The following NRG1 variants were observed in gnomAD, a reference collection of about 807,000 sequenced individuals.
NRG1 encodes neuregulin 1.
A neutral mutation model predicts 63.8 loss-of-function variants in NRG1; 18 were observed. The observed-to-expected ratio is 0.28, with a 90% CI of 0.19 to 0.42. The LOEUF (loss-of-function observed/expected upper bound fraction) is 0.42. Ranked by LOEUF, NRG1 falls within the 10% of genes least tolerant of loss-of-function variation. The pLI, the probability that NRG1 is intolerant of heterozygous loss-of-function variation, is 1.00. For synonymous variants in NRG1, 302 were observed against 301.3 expected (o/e 1.00, Z -0.02); for missense variants, 762 against 814.7 (o/e 0.94, Z 0.79).
chr8:31,965,873 C>T (rs1008208524), intron 1 of NRG1, among the ~76,000 whole-genome samples: 1 of 151,982 alleles, frequency 6.6e-6, no homozygotes, highest in Non-Finnish European at 1.5e-5. Flanking sequence ...AGCAGAAAAT[C>T]AAATATCTCA....
chr8:32,016,262 T>G (rs1586494046), intron 1 of NRG1, among the ~76,000 whole-genome samples: 1 of 152,108 alleles, frequency 6.6e-6, no homozygotes, highest in African/African-American at 2.4e-5. Context: ...GGGGTCTTGC[T>G]ATGTTGCCCA....
At chr8:32,213,633 A>C (rs991818411) in intron 1 of NRG1, among the ~76,000 whole-genome samples, 8 of 152,180 alleles carry the variant, frequency 5.3e-5, no homozygotes, top group Non-Finnish European at 1.2e-4. Flanking sequence ...AAATTTAAAA[A>C]AAAAGAAAAT....
chr8:32,691,265 A>C (rs1811562220), intron 5 of NRG1, among the ~76,000 whole-genome samples: 1 of 152,022 alleles, frequency 6.6e-6, no homozygotes, highest in Non-Finnish European at 1.5e-5. Flanking sequence ...GAGGCAGGAG[A>C]ATCTCTTGAA....
chr8:31,956,057 A>AAAC (rs1554585302), intron 1 of NRG1, among the ~76,000 whole-genome samples: 3 of 151,628 alleles, frequency 2.0e-5, no homozygotes, highest in African/African-American at 7.3e-5. Context: ...AAAAAAACAA[A>AAAC]AAAACAAAAA....
At chr8:32,559,107 TAAC>T (rs1835800737) in intron 1 of NRG1, among the ~76,000 whole-genome samples, 1 of 138,152 alleles carries the variant, frequency 7.2e-6, no homozygotes, top group Non-Finnish European at 1.6e-5. Flanking sequence ...AAAAAAAAGT[TAAC>T]AACCATATCA....
intron 1 of NRG1, among the ~76,000 whole-genome samples, chr8:31,761,415 C>A (rs981098252): frequency 2.6e-5 from 4 of 151,916 alleles, no homozygotes; most frequent in Non-Finnish European, 1.5e-5. Flanking sequence ...AACTAACCTG[C>A]ACATTGTGCA....
At chr8:31,897,860 C>CAAA (rs3052833) in intron 1 of NRG1, among the ~76,000 whole-genome samples, 12,739 of 146,770 alleles carry the variant, frequency 0.087, 1,591 homozygotes, top group African/African-American at 0.28. Flanking sequence ...ACTAAAAATA[C>CAAA]AAAAAAAAAA....
chr8:32,560,165 ATACTT>A lies in NRG1; in HGVS notation c.100+11342_100+11346del, dbSNP rs546989048. 7.9e-3 allele frequency among the ~76,000 whole-genome samples: 1,208 copies of A among 152,240 alleles called. 7 individuals are homozygous for A. The highest frequency in any genetic ancestry group is 0.014 in the Non-Finnish European group (921 of 68,016). ...CCTTATTTTCTATAATACAGAAAAT[ATACTT>A]TAAATTATTTTATTTATCTGAGTCC... On this transcript the variant is annotated intron_variant, in intron 1 of 11. Coordinates refer to ENST00000356819, the Ensembl canonical transcript of NRG1.
At chr8:31,921,717 G>C (rs1384165304) in intron 1 of NRG1, among the ~76,000 whole-genome samples, 2 of 152,110 alleles carry the variant, frequency 1.3e-5, no homozygotes, top group African/African-American at 4.8e-5. Flanking sequence ...ACTATATTTG[G>C]CATCATTAAC....
intron 5 of NRG1, chr8:32,648,350 A>G: frequency 6.2e-7 from 1 of 1,614,086 alleles, no homozygotes; most frequent in Non-Finnish European, 8.5e-7. Context: ...AGCCACAAAC[A>G]ACAGAAACTA....
intron 1 of NRG1, among the ~76,000 whole-genome samples, chr8:32,414,204 T>C (rs1587489158): frequency 6.6e-6 from 1 of 152,274 alleles, no homozygotes; most frequent in Non-Finnish European, 1.5e-5. Flanking sequence ...CCCTTTGAAG[T>C]ATTGGCATTG....
At chr8:32,520,535 A>G (rs1351184218) in intron 1 of NRG1, among the ~76,000 whole-genome samples, 2 of 152,134 alleles carry the variant, frequency 1.3e-5, no homozygotes, top group Non-Finnish European at 2.9e-5. Flanking sequence ...AAAATGAGAT[A>G]TGTAGAGATA....
At chr8:32,221,053 C>T (rs990194835) in intron 1 of NRG1, 1 of 152,118 alleles carries the variant, frequency 6.6e-6, no homozygotes, top group Admixed American at 6.5e-5. Flanking sequence ...GTCAATTCTT[C>T]TACGGAGTTT....
intron 1 of NRG1, among the ~76,000 whole-genome samples, chr8:31,801,082 C>T (rs1457372690): frequency 6.6e-6 from 1 of 151,636 alleles, no homozygotes; most frequent in Non-Finnish European, 1.5e-5. Flanking sequence ...CTCCTGACCT[C>T]GTGATCCACC....
chr8:31,912,859 T>C (rs1833063043), intron 1 of NRG1, among the ~76,000 whole-genome samples: 2 of 152,158 alleles, frequency 1.3e-5, no homozygotes, highest in Non-Finnish European at 1.5e-5. Flanking sequence ...AAGCCTCACA[T>C]GTAGTGCTAT....
At chr8:31,997,232 T>A (rs1812159259) in intron 1 of NRG1, among the ~76,000 whole-genome samples, 1 of 151,584 alleles carries the variant, frequency 6.6e-6, no homozygotes, top group African/African-American at 2.4e-5. Flanking sequence ...TGTTTTATTT[T>A]TAGTACTTGC....
rs143152338 is a variant in NRG1, at chr8:32,474,242, C to T, written c.38-121586C>T. On this transcript the variant is annotated intron_variant, in intron 1 of 10. Transcript: ENST00000519301. Reference sequence around the variant, plus strand: ...AGATCTTGACTATCATACACTTATTCTAACAATATTGCCCATTCCTCAAAA... The same window carrying T: ...AGATCTTGACTATCATACACTTATTTTAACAATATTGCCCATTCCTCAAAA... 2.2e-4 allele frequency among the ~76,000 whole-genome samples: 33 copies of T among 152,268 alleles called. No homozygotes were observed. The East Asian group carries it at 3.9e-3, about 18-fold the overall frequency.
intron 1 of NRG1, among the ~76,000 whole-genome samples, chr8:32,367,500 A>G (rs1405580775): frequency 6.7e-6 from 1 of 149,664 alleles, no homozygotes; most frequent in Non-Finnish European, 1.5e-5. Context: ...GCTTTTACAT[A>G]TTTGGCTTTT....
intron 1 of NRG1, among the ~76,000 whole-genome samples, chr8:32,349,537 A>G (rs1563344680): frequency 6.6e-6 from 1 of 152,174 alleles, no homozygotes; most frequent in Non-Finnish European, 1.5e-5. Flanking sequence ...TGGGAGTTTC[A>G]CAGAGCATTT....
Sources: allele counts gnomAD v4.1 joint callset (sites outside exome capture counted in the v4.1 genomes callset), GRCh38; gene constraint gnomAD v4.1.1; transcripts MANE v1.5; gene names NCBI Gene and HGNC (gene_info 2026-07-23, HGNC 2026-07-21).